Variants in GKAP1 observed in about 807,000 individuals in gnomAD.
The protein encoded by GKAP1 is G kinase anchoring protein 1, also known as G kinase-anchoring protein 1.
In GKAP1, 31 loss-of-function variants were observed where a neutral mutation model predicts 56.7. The ratio of observed to expected loss-of-function variants is 0.55; its 90% confidence interval spans 0.41 to 0.74. GKAP1 has a LOEUF of 0.74. Among genes scored for constraint, GKAP1 ranks in the 30% least tolerant of loss-of-function variants. The pLI, the probability that GKAP1 is intolerant of heterozygous loss-of-function variation, is 0.00. For synonymous variants in GKAP1, 151 were observed against 138.6 expected (o/e 1.09, Z -0.63); for missense variants, 364 against 402.3 (o/e 0.90, Z 0.82).
intron 3 of GKAP1, among the ~76,000 whole-genome samples, chr9:83,804,230 C>A (rs1270980540): frequency 6.7e-6 from 1 of 149,174 alleles, no homozygotes; most frequent in Non-Finnish European, 1.5e-5. Flanking sequence ...GGGCCAGCCA[C>A]CCCGTCCGGG....
At chr9:83,769,688 T>C (rs1943724334) in intron 7 of GKAP1, among the ~76,000 whole-genome samples, 1 of 152,242 alleles carries the variant, frequency 6.6e-6, no homozygotes, top group Non-Finnish European at 1.5e-5. Flanking sequence ...ATAATATTCA[T>C]GCACAAGATT....
At chr9:83,817,296 T>A (rs1358204790) in intron 1 of GKAP1, 169 bp from the exon 2 acceptor site, 1 of 151,494 alleles carries the variant, frequency 6.6e-6, no homozygotes, top group Admixed American at 6.6e-5. Flanking sequence ...GGGAGTCGGG[T>A]GCGAGTCCCT....
intron 2 of GKAP1, among the ~76,000 whole-genome samples, chr9:83,816,031 C>CAAAAAAAAA (rs72114457): frequency 4.4e-5 from 4 of 91,438 alleles, no homozygotes; most frequent in South Asian, 7.3e-4. Context: ...ATTAAAAATA[C>CAAAAAAAAA]AAAAAAAAAA....
intron 8 of GKAP1, among the ~76,000 whole-genome samples, chr9:83,761,992 G>A (rs1464456473): frequency 6.6e-6 from 1 of 152,100 alleles, no homozygotes; most frequent in Non-Finnish European, 1.5e-5. Flanking sequence ...CTAAGATCTG[G>A]AACAAGACAA....
intron 8 of GKAP1, among the ~76,000 whole-genome samples, chr9:83,754,884 GT>G (rs1191059513): frequency 6.6e-6 from 1 of 152,168 alleles, no homozygotes; most frequent in Non-Finnish European, 1.5e-5. Flanking sequence ...ATGGAGTGAG[GT>G]AAGACAGGTA....
chr9:83,788,225 G>A (rs1225291399), intron 5 of GKAP1, among the ~76,000 whole-genome samples: 1 of 152,216 alleles, frequency 6.6e-6, no homozygotes. Context: ...TTGCAGTGAG[G>A]TGAGATCATG....
chr9:83,810,167 G>C (rs1587744779), intron 2 of GKAP1, among the ~76,000 whole-genome samples: 2 of 152,260 alleles, frequency 1.3e-5, no homozygotes, highest in Non-Finnish European at 2.9e-5. Context: ...GATGAAAAGA[G>C]CTGTTAGATT....
At chr9:83,805,518 A>T (rs1466046352) in intron 3 of GKAP1, among the ~76,000 whole-genome samples, 1 of 152,134 alleles carries the variant, frequency 6.6e-6, no homozygotes, top group Non-Finnish European at 1.5e-5. Flanking sequence ...TAAACTGTGG[A>T]TTCATTTAAA....
At chr9:83,781,818 G>C (rs1943976883) in intron 6 of GKAP1, among the ~76,000 whole-genome samples, 1 of 150,700 alleles carries the variant, frequency 6.6e-6, no homozygotes. Context: ...CCATGTTTCT[G>C]CCTAGTTTTT....
intron 8 of GKAP1, among the ~76,000 whole-genome samples, chr9:83,766,168 G>T (rs1376216780): frequency 6.6e-6 from 1 of 152,044 alleles, no homozygotes; most frequent in African/African-American, 2.4e-5. Context: ...GGTCTATAAG[G>T]GGCTTCCCCC....
intron 7 of GKAP1, among the ~76,000 whole-genome samples, chr9:83,774,929 G>C (rs182151804): frequency 6.6e-6 from 1 of 150,958 alleles, no homozygotes; most frequent in Non-Finnish European, 1.5e-5. Context: ...GGACGGTCTC[G>C]ATCTCTTGAC....
At chr9:83,752,971 G>C (rs1301449110) in intron 9 of GKAP1, among the ~76,000 whole-genome samples, 2 of 151,776 alleles carry the variant, frequency 1.3e-5, no homozygotes, top group African/African-American at 2.4e-5. Flanking sequence ...CTCAGGGCAG[G>C]AGAATCGCTT....
In GKAP1 at chr9:83,806,304, C is replaced by A; in HGVS notation, c.214G>T (p.Glu72Ter). Residue 72 changes from glutamate (E) to a stop codon, truncating the protein, a stop_gained and splice_region_variant, in exon 3 of 13, where the codon GAG (glutamate) becomes TAG (stop). Transcript: ENST00000376371. LOFTEE classifies it high-confidence loss of function. The part of the protein sequence containing the change: ...KKEQQQSEAN[E>*]LRNLAFKKIP... ...GACAACACAGATAATTGTGTTACCT[C>A]ATTTGCTTCACTCTGTTGCTGTTCC... is the stretch of plus-strand genomic sequence containing the variant. The A allele has an allele frequency of 6.5e-7, 1 of 1,538,686 alleles. No individual in the cohort carries two copies. Among genetic ancestry groups the A allele is most frequent in the South Asian group, 1.2e-5 (1 of 83,782 alleles).
intron 8 of GKAP1, among the ~76,000 whole-genome samples, chr9:83,765,435 T>C (rs1046773545): frequency 2.6e-5 from 4 of 152,202 alleles, no homozygotes; most frequent in African/African-American, 9.6e-5. Flanking sequence ...ACAGAGTCCC[T>C]ACTGGGGCAC....
intron 7 of GKAP1, among the ~76,000 whole-genome samples, chr9:83,775,027 G>T (rs1943833619): frequency 7.1e-6 from 1 of 140,624 alleles, no homozygotes; most frequent in South Asian, 2.3e-4. Flanking sequence ...TTTTTTTTAA[G>T]AGATGAAGTC....
intron 12 of GKAP1, among the ~76,000 whole-genome samples, chr9:83,741,456 C>A (rs1039512509): frequency 2.6e-5 from 4 of 151,568 alleles, no homozygotes; most frequent in African/African-American, 7.3e-5. Context: ...CTTGTAAATG[C>A]AGAAGAAATG....
chr9:83,761,422 T>C (rs963792542), intron 8 of GKAP1, among the ~76,000 whole-genome samples: 3 of 151,932 alleles, frequency 2.0e-5, no homozygotes, highest in Non-Finnish European at 4.4e-5. Flanking sequence ...GAAGCCATAA[T>C]AAAAAGTCTT....
rs72746890 is a variant in GKAP1, at chr9:83,750,224, A to G, written c.841-1852T>C. Among the ~76,000 whole-genome samples the G allele has an allele frequency of 1.8e-3, 274 of 152,350 alleles. 2 individuals carry two copies. The highest frequency in any genetic ancestry group is 0.01 in the Middle Eastern group (3 of 294). On this transcript the variant is annotated intron_variant, in intron 9 of 12. Transcript: ENST00000376371. ...AAAAACTGCATATATAAAAATATAA[A>G]TGTACAAAATACCAGTAACATATTA...
Position 83,806,524 on chromosome 9 carries a change from G to T in GKAP1, c.-7C>A. On this transcript the variant is annotated 5_prime_UTR_variant, in exon 3 of 13. Coordinates refer to ENST00000376371, the MANE Select transcript of GKAP1 (RefSeq NM_025211.4). The stretch of plus-strand genomic sequence containing the variant: ...TAAGTACTGCTGAGGCCATCGTAAA[G>T]ATTTTTCTTTTAAAATACTTCTGTC... The T allele has an allele frequency of 6.2e-7, 1 of 1,608,832 alleles. No homozygotes were observed. Among genetic ancestry groups the T allele is most frequent in the Non-Finnish European group, 8.5e-7 (1 of 1,177,964 alleles).
Sources: gnomAD v4.1 joint callset for allele counts (sites outside exome capture counted in the v4.1 genomes callset) on GRCh38, gnomAD v4.1.1 for gene constraint, MANE v1.5 for transcripts, NCBI Gene and HGNC (gene_info 2026-07-23, HGNC 2026-07-21) for gene names.